The following TENM1 variants were observed in gnomAD, a reference collection of about 807,000 sequenced individuals.
TENM1 encodes teneurin-1.
In TENM1, 35 loss-of-function variants were observed where a neutral mutation model predicts 174.8. That is an observed-to-expected ratio of 0.20 (90% CI 0.15 to 0.27). TENM1 has a LOEUF of 0.27. TENM1 is among the 10% of genes least tolerant of loss of function. The pLI, the probability that TENM1 is intolerant of heterozygous loss-of-function variation, is 1.00. For missense variants in TENM1, 1,633 were observed against 2,130.1 expected, an observed-to-expected ratio of 0.77 and a Z score of 4.59; for synonymous variants, 781 against 798.7, an observed-to-expected ratio of 0.98 and a Z score of 0.37.
intron 23 of TENM1, among the ~76,000 whole-genome samples, chrX:124,437,623 G>C (rs2060858111): frequency 9.0e-6 from 1 of 111,689 alleles, no homozygotes; most frequent in African/African-American, 3.3e-5. Flanking sequence ...GTTGCCCCGT[G>C]ACAACATTTC....
intron 11 of TENM1, among the ~76,000 whole-genome samples, chrX:124,593,495 G>A (rs912811573): frequency 4.5e-5 from 5 of 111,364 alleles, no homozygotes; most frequent in African/African-American, 1.6e-4. Flanking sequence ...CGTGAAGGGT[G>A]AGGCGGCTCA....
chrX:125,091,088 G>A, the TENM1 span, among the ~76,000 whole-genome samples: 2 of 111,192 alleles, frequency 1.8e-5, no homozygotes, highest in Admixed American at 1.9e-4. Flanking sequence ...GAGAAGACTA[G>A]AGACAATCAT....
At chrX:124,969,304 A>G in the TENM1 span, among the ~76,000 whole-genome samples, 1 of 112,454 alleles carries the variant, frequency 8.9e-6, no homozygotes, top group African/African-American at 3.2e-5. Context: ...TATGAATTCA[A>G]ATGTCAACAT....
At chrX:124,975,171 A>T in the TENM1 span, among the ~76,000 whole-genome samples, 1 of 110,037 alleles carries the variant, frequency 9.1e-6, no homozygotes, top group African/African-American at 3.3e-5. Flanking sequence ...ATTTCAAATT[A>T]TCTTTTTCTT....
At chrX:124,713,139 G>A (rs757795149) in intron 4 of TENM1, among the ~76,000 whole-genome samples, 36 of 112,065 alleles carry the variant, frequency 3.2e-4, no homozygotes, top group African/African-American at 1.2e-3. Context: ...ATAATTTTAA[G>A]AGCTTTTAAA....
chrX:125,123,627 T>G, the TENM1 span, among the ~76,000 whole-genome samples: 1 of 109,875 alleles, frequency 9.1e-6, no homozygotes, highest in African/African-American at 3.3e-5. Flanking sequence ...AAAACAAAAT[T>G]TTATGAATGT....
intron 6 of TENM1, among the ~76,000 whole-genome samples, chrX:124,662,152 C>T (rs927861300): frequency 9.0e-6 from 1 of 110,799 alleles, no homozygotes; most frequent in African/African-American, 3.3e-5. Flanking sequence ...GCTCCTCATT[C>T]TTTGTCTTCA....
intron 25 of TENM1, among the ~76,000 whole-genome samples, chrX:124,412,740 G>A (rs930758920): frequency 8.9e-6 from 1 of 112,536 alleles, no homozygotes; most frequent in African/African-American, 3.2e-5. Context: ...TCAGAGTCTT[G>A]TGCTAGGGAC....
Position 124,378,998 on chromosome X carries a change from T to C in TENM1, c.*1538A>G, listed in dbSNP as rs998814873. On this transcript the variant is annotated 3_prime_UTR_variant, in exon 32 of 32. Transcript: ENST00000422452. ...TTCTACGGGCCACATTGTGCTGTCA[T>C]GTATTTTCATTTGTGGTAACTTACA... The C allele has an allele frequency of 8.9e-5, 10 of 112,385 alleles. No homozygotes were observed. The South Asian group carries it at 2.6e-3, about 30-fold the overall frequency. 9.3% of individuals were successfully genotyped at this position (112,385 alleles called of 1,213,427 possible).
the TENM1 span, among the ~76,000 whole-genome samples, chrX:125,100,437 C>T: frequency 9.0e-6 from 1 of 111,564 alleles, no homozygotes; most frequent in Non-Finnish European, 1.9e-5. Context: ...TGGCTTAAAG[C>T]CATAGAAGCA....
intron 11 of TENM1, among the ~76,000 whole-genome samples, chrX:124,629,158 A>G (rs1047954362): frequency 3.6e-5 from 4 of 112,324 alleles, no homozygotes; most frequent in Non-Finnish European, 5.6e-5. Context: ...ACTGAACTAT[A>G]ATCTTAGTTG....
At chrX:125,141,959 C>A in the TENM1 span, among the ~76,000 whole-genome samples, 16 of 111,513 alleles carry the variant, frequency 1.4e-4, no homozygotes, top group African/African-American at 5.2e-4. Context: ...CCACCAGCCA[C>A]ATTTTTATTA....
chrX:124,472,836 T>A (rs2061350873), intron 22 of TENM1, among the ~76,000 whole-genome samples: 1 of 111,443 alleles, frequency 9.0e-6, no homozygotes, highest in African/African-American at 3.3e-5. Flanking sequence ...ACTTCCCAAT[T>A]TCTTTAATTT....
chrX:125,063,564 C>T, the TENM1 span, among the ~76,000 whole-genome samples: 3 of 112,108 alleles, frequency 2.7e-5, no homozygotes, highest in Middle Eastern at 9.2e-3. Context: ...GAAAAAAATG[C>T]TCATCATCAC....
chrX:124,805,811 C>T (rs1463023943), intron 3 of TENM1, among the ~76,000 whole-genome samples: 1 of 112,697 alleles, frequency 8.9e-6, no homozygotes, highest in East Asian at 2.8e-4. Flanking sequence ...TCCGGAAGGG[C>T]TTATTATTTA....
intron 1 of TENM1, among the ~76,000 whole-genome samples, chrX:124,945,269 G>T (rs1280884863): frequency 3.6e-5 from 4 of 111,545 alleles, no homozygotes; most frequent in Non-Finnish European, 7.5e-5. Context: ...GTAACAGAAT[G>T]GTTGAGAAAG....
At chrX:125,034,789 C>A in the TENM1 span, among the ~76,000 whole-genome samples, 1 of 111,660 alleles carries the variant, frequency 9.0e-6, no homozygotes, top group African/African-American at 3.2e-5. Flanking sequence ...ATGTCTAGTA[C>A]ATTTTTGGGT....
intron 3 of TENM1, among the ~76,000 whole-genome samples, chrX:124,868,791 C>A (rs1164902849): frequency 9.0e-6 from 1 of 111,263 alleles, no homozygotes; most frequent in Non-Finnish European, 1.9e-5. Flanking sequence ...TAAGAAAAAA[C>A]CTAATAATCC....
chrX:124,710,146 T>C (rs1028841838), intron 4 of TENM1, among the ~76,000 whole-genome samples: 3 of 111,335 alleles, frequency 2.7e-5, no homozygotes, highest in African/African-American at 9.8e-5. Context: ...ACTGTTTTTT[T>C]CCCCTTTGAC....
Sources: allele counts gnomAD v4.1 joint callset (sites outside exome capture counted in the v4.1 genomes callset), GRCh38; gene constraint gnomAD v4.1.1; transcripts MANE v1.5; gene names NCBI Gene and HGNC (gene_info 2026-07-23, HGNC 2026-07-21).